ATP13A3: variants seen among roughly 807,000 people sequenced by gnomAD.
The protein encoded by ATP13A3 is polyamine-transporting ATPase 13A3.
In ATP13A3, 59 loss-of-function variants were observed where a neutral mutation model predicts 158.1. The observed-to-expected ratio is 0.37, with a 90% CI of 0.30 to 0.46. The LOEUF (loss-of-function observed/expected upper bound fraction) is 0.46, where lower values mean the gene tolerates loss of function less well. Ranked by LOEUF, ATP13A3 falls within the 20% of genes least tolerant of loss-of-function variation. The probability of loss-of-function intolerance (pLI) is 1.00; values close to 1 mark genes in which losing one functional copy is unlikely to be tolerated. For missense variants in ATP13A3, 1,166 were observed against 1,525.2 expected (o/e 0.76, Z 3.92); for synonymous variants, 491 against 504.3 (o/e 0.97, Z 0.35).
chr3:194,492,892 A>T (rs1005756824), intron 2 of ATP13A3, among the ~76,000 whole-genome samples: 1 of 152,156 alleles, frequency 6.6e-6, no homozygotes, highest in Non-Finnish European at 1.5e-5. Context: ...CTTATGTAAG[A>T]TTGAAAAAAT....
At chr3:194,425,268 G>T in intron 30 of ATP13A3, 74 bp downstream of exon 30, 1 of 1,329,066 alleles carries the variant, frequency 7.5e-7, no homozygotes, top group Non-Finnish European at 1.1e-6. Context: ...GGCAAAGACA[G>T]TTATAATTAT....
intron 16 of ATP13A3, 152 bp from the exon 17 acceptor site, chr3:194,439,124 C>G: frequency 2.0e-6 from 1 of 509,116 alleles, no homozygotes; most frequent in Non-Finnish European, 3.4e-6. Flanking sequence ...ATGAGCACTA[C>G]TGGATCACTA....
chr3:194,408,366 T>G (rs1715109919), intron 33 of ATP13A3, among the ~76,000 whole-genome samples: 1 of 152,194 alleles, frequency 6.6e-6, no homozygotes, highest in South Asian at 2.1e-4. Flanking sequence ...CCACAGGAAA[T>G]AAACTAATGT....
chr3:194,462,744 T>G (rs1030315744), intron 2 of ATP13A3, among the ~76,000 whole-genome samples: 3 of 152,242 alleles, frequency 2.0e-5, no homozygotes, highest in Non-Finnish European at 2.9e-5. Context: ...TATCAAACTT[T>G]AGATGACCCT....
intron 30 of ATP13A3, among the ~76,000 whole-genome samples, chr3:194,425,035 G>A (rs968399195): frequency 6.6e-6 from 1 of 152,124 alleles, no homozygotes; most frequent in African/African-American, 2.4e-5. Context: ...ACCCAACAGT[G>A]GGCTGAGGAA....
chr3:194,435,663 C>T (rs1233291351), intron 20 of ATP13A3, among the ~76,000 whole-genome samples: 1 of 152,148 alleles, frequency 6.6e-6, no homozygotes, highest in Non-Finnish European at 1.5e-5. Context: ...AATCCCAGTA[C>T]TTTGGGAGGC....
intron 11 of ATP13A3, 22 bp downstream of exon 11, chr3:194,450,123 G>C (rs767920043): frequency 6.2e-7 from 1 of 1,610,630 alleles, no homozygotes; most frequent in South Asian, 1.1e-5. Context: ...AACTCATGTT[G>C]ATATTTACTC....
intron 31 of ATP13A3, among the ~76,000 whole-genome samples, chr3:194,415,663 T>TTTTTTTC (rs1715789358): frequency 1.1e-5 from 1 of 90,382 alleles, no homozygotes. Flanking sequence ...ACCACATTCT[T>TTTTTTTC]TTTTTTTTTT....
chr3:194,421,724 G>C (rs1716395572), intron 30 of ATP13A3, among the ~76,000 whole-genome samples: 1 of 151,848 alleles, frequency 6.6e-6, no homozygotes, highest in Non-Finnish European at 1.5e-5. Flanking sequence ...TTTGGAAAGT[G>C]GTGGTTGGAA....
chr3:194,434,143 T>G (rs1404640623), intron 20 of ATP13A3, among the ~76,000 whole-genome samples: 1 of 152,236 alleles, frequency 6.6e-6, no homozygotes, highest in African/African-American at 2.4e-5. Context: ...TACTAAGGAA[T>G]ATTCATTTTG....
At chr3:194,477,187 T>C (rs1393233532) in intron 2 of ATP13A3, among the ~76,000 whole-genome samples, 1 of 152,204 alleles carries the variant, frequency 6.6e-6, no homozygotes, top group African/African-American at 2.4e-5. Context: ...CAGGACCAGC[T>C]CAAGCTACTA....
Position 194,446,947 on chromosome 3 carries a change from T to C in ATP13A3, c.1477A>G (p.Asn493Asp). 4 of 1,610,314 alleles carry C rather than the reference T, an allele frequency of 2.5e-6. No individual in the cohort carries two copies. The highest frequency in any genetic ancestry group is 3.4e-6 in the Non-Finnish European group (4 of 1,179,290). ...PQRINICGQL[N>D]LVCFDKTGTL... ...CCCACCTTGTCAAAGCAAACAAGAT[T>C]GAGCTGTCCACAAATATTTATTCTT... The change falls in exon 14 of 34, where the codon AAT (asparagine) becomes GAT (aspartate). Residue 493 changes from asparagine (N) to aspartate (D), a missense_variant. Coordinates refer to ENST00000645319, the MANE Select transcript of ATP13A3 (RefSeq NM_001367549.1).
intron 33 of ATP13A3, 76 bp from the exon 34 acceptor site, chr3:194,406,192 AGCACAC>A (rs1714917698): frequency 1.5e-6 from 2 of 1,373,948 alleles, no homozygotes; most frequent in African/African-American, 2.9e-5. Context: ...GGTTTGTTAA[AGCACAC>A]ATTAGCAGAG....
chr3:194,421,552 C>CAAAA (rs34760027), intron 30 of ATP13A3, among the ~76,000 whole-genome samples: 2 of 71,866 alleles, frequency 2.8e-5, no homozygotes, highest in South Asian at 4.3e-4. Context: ...GACTCCATCT[C>CAAAA]AAAAAAAAAA....
At chr3:194,490,557 A>G (rs1344405036), upstream of ATP13A3, among the ~76,000 whole-genome samples, 3 of 152,100 alleles carry the variant, frequency 2.0e-5, no homozygotes, top group Non-Finnish European at 1.5e-5. This position sits in a 1 kb window ranked among gnomAD's most constrained non-coding sequence, Gnocchi z 4.4. Flanking sequence ...GCTGTTCCCC[A>G]AGGCTCAACC....
At chr3:194,435,218 A>G (rs546824802) in intron 20 of ATP13A3, among the ~76,000 whole-genome samples, 27 of 152,348 alleles carry the variant, frequency 1.8e-4, no homozygotes, top group African/African-American at 6.5e-4. Context: ...ACAGCAGGAA[A>G]AAGCCTTGAA....
At chr3:194,432,338 A>G (rs980308086) in intron 21 of ATP13A3, among the ~76,000 whole-genome samples, 3 of 152,214 alleles carry the variant, frequency 2.0e-5, no homozygotes, top group Admixed American at 6.5e-5. Flanking sequence ...CAAAAAGGTA[A>G]GACAGGTAAT....
At chr3:194,408,402 C>T (rs1040460639) in intron 33 of ATP13A3, among the ~76,000 whole-genome samples, 3 of 152,118 alleles carry the variant, frequency 2.0e-5, no homozygotes, top group African/African-American at 7.2e-5. Flanking sequence ...TTTAAAAAAG[C>T]AGAAACATAA....
chr3:194,426,935 C>T (rs369593626), intron 29 of ATP13A3, 140 bp downstream of exon 29: 6 of 811,772 alleles, frequency 7.4e-6, no homozygotes, highest in South Asian at 1.9e-5. Context: ...CTACCTGCCT[C>T]GGCCTCCCCA....
Sources: gnomAD v4.1 joint callset for allele counts (sites outside exome capture counted in the v4.1 genomes callset) on GRCh38, gnomAD v4.1.1 for gene constraint, Gnocchi (gnomAD v3.1) non-coding constraint, MANE v1.5 for transcripts, NCBI Gene and HGNC (gene_info 2026-07-23, HGNC 2026-07-21) for gene names.